Variants in FUBP3 observed in about 807,000 individuals in gnomAD.
FUBP3 encodes far upstream element-binding protein 3.
A neutral mutation model predicts 85.6 loss-of-function variants in FUBP3; 28 were observed. The ratio of observed to expected loss-of-function variants is 0.33; its 90% CI spans 0.24 to 0.45. The LOEUF (loss-of-function observed/expected upper bound fraction) is 0.45, where lower values mean the gene tolerates loss of function less well. FUBP3 is among the 20% of genes least tolerant of loss of function. The pLI is 1.00. For missense variants in FUBP3, 583 were observed against 755.1 expected, an observed-to-expected ratio of 0.77 and a Z score of 2.67; for synonymous variants, 271 against 271.4, an observed-to-expected ratio of 1.00 and a Z score of 0.01.
rs1402493007 is a variant in FUBP3, at chr9:130,616,315, T to C, written c.405-40T>C. 2 of 1,608,448 alleles carry C rather than the reference T, an allele frequency of 1.2e-6. No homozygotes were observed. Among genetic ancestry groups the C allele is most frequent in the African/African-American group, 2.7e-5 (2 of 74,802 alleles). On this transcript the variant is annotated intron_variant, in intron 6 of 18. Coordinates refer to ENST00000319725, the MANE Select transcript of FUBP3 (RefSeq NM_003934.2). The surrounding 1 kb of genome is among the most constrained non-coding windows in gnomAD (Gnocchi z 4.7). ...CTGTCTTGCACACTTAGAGCCTCCATTTAATGCTGGTTCTCTTGTGGTTCT... is the reference window on the plus strand; with the variant it reads ...CTGTCTTGCACACTTAGAGCCTCCACTTAATGCTGGTTCTCTTGTGGTTCT...
intron 16 of FUBP3, among the ~76,000 whole-genome samples, chr9:130,632,751 T>G (rs747806737): frequency 6.6e-6 from 1 of 152,212 alleles, no homozygotes; most frequent in Non-Finnish European, 1.5e-5. Context: ...AGGGAATGAC[T>G]TCTTCTGCAT....
chr9:130,620,282 G>A (rs1246011583), intron 8 of FUBP3, 72 bp from the exon 9 acceptor site: 1 of 893,918 alleles, frequency 1.1e-6, no homozygotes, highest in African/African-American at 1.7e-5. Context: ...GTTTGATCTT[G>A]AAATTTCACC....
rs893386553 is a variant in FUBP3, at chr9:130,630,883, G to T, written c.1278+95G>T. 72 of 950,400 alleles carry T rather than the reference G, an allele frequency of 7.6e-5. No homozygotes were observed. The South Asian group carries it at 1.5e-3, about 20-fold the overall frequency. 58.9% of individuals were successfully genotyped at this position (950,400 alleles called of 1,614,324 possible). A position where few individuals can be genotyped will look rare whatever the true frequency, so the allele number is the denominator to read the frequency against. On this transcript the variant is annotated intron_variant, in intron 13 of 18. Transcript: ENST00000319725. The stretch of plus-strand genomic sequence containing the variant: ...CTTTTCCCACCACCTTGTGCTGCTT[G>T]TGCCTGTGGGTTCTCACATCACACG...
At chr9:130,631,053 T>A in intron 13 of FUBP3, 1 of 888,346 alleles carries the variant, frequency 1.1e-6, no homozygotes, top group South Asian at 5.0e-5. Flanking sequence ...CCCTGCGGGC[T>A]TAGATGAGCG....
At chr9:130,633,489 C>T (rs1033117005) in intron 16 of FUBP3, among the ~76,000 whole-genome samples, 6 of 152,232 alleles carry the variant, frequency 3.9e-5, no homozygotes, top group African/African-American at 1.2e-4. Flanking sequence ...GGAAACGGCC[C>T]CCTGGCGGGT....
At chr9:130,636,222 G>A (rs1288216143) in intron 18 of FUBP3, 96 bp downstream of exon 18, 3 of 1,282,464 alleles carry the variant, frequency 2.3e-6, no homozygotes, top group African/African-American at 2.9e-5. Flanking sequence ...GAGAGCGCTG[G>A]GCTAGGAGGA....
chr9:130,633,786 G>A (rs1173981513), intron 16 of FUBP3, among the ~76,000 whole-genome samples: 1 of 152,146 alleles, frequency 6.6e-6, no homozygotes, highest in South Asian at 2.1e-4. Context: ...CCTTCCTCCC[G>A]CTGCTTGCTT....
intron 1 of FUBP3, among the ~76,000 whole-genome samples, chr9:130,589,663 A>ATG (rs1457578376): frequency 2.7e-5 from 2 of 73,566 alleles, no homozygotes; most frequent in Admixed American, 1.8e-4. Context: ...TTAAATATGT[A>ATG]TGTATGTGTG....
In FUBP3 at chr9:130,620,441, G is replaced by A; in HGVS notation, c.754G>A (p.Gly252Arg). 1 of 1,587,244 alleles carries A rather than the reference G, an allele frequency of 6.3e-7. No homozygotes were observed. Among genetic ancestry groups the A allele is most frequent in the Non-Finnish European group, 8.6e-7 (1 of 1,158,994 alleles). Residue 252 changes from glycine to arginine, a missense_variant, in exon 9 of 19, where the codon GGA becomes AGA. Physicochemically the swap from Gly to Arg is moderately radical, Grantham distance 125 (BLOSUM62 -2). This residue lies in a region of FUBP3 where 404 missense variants were observed against 516.8 expected (regional missense o/e 0.78). Coordinates refer to ENST00000319725, the MANE Select transcript of FUBP3 (RefSeq NM_003934.2). ...GVRGDFNSRM[G>R]GGSIEVSVPR... is the part of the protein sequence containing the mutation. ...ACGCGGCGATTTCAACTCTCGAATG[G>A]GAGGAGGCAGTATAGAGGTATGCTT...
At chr9:130,613,208 T>C (rs1445433582) in intron 5 of FUBP3, among the ~76,000 whole-genome samples, 181 bp downstream of exon 5, 1 of 152,232 alleles carries the variant, frequency 6.6e-6, no homozygotes, top group Non-Finnish European at 1.5e-5. Flanking sequence ...GGCCCGGAGA[T>C]AAGGCCTCCT....
intron 2 of FUBP3, among the ~76,000 whole-genome samples, chr9:130,599,359 A>ATG (rs10532542): frequency 0.11 from 16,065 of 148,726 alleles, 915 homozygotes; most frequent in East Asian, 0.22. Context: ...ATATAAGTAT[A>ATG]TGTGTGTGTG....
chr9:130,595,583 A>T lies in FUBP3; in HGVS notation c.185A>T (p.Asp62Val). 1 of 1,428,280 alleles carries T rather than the reference A, an allele frequency of 7.0e-7. No homozygotes were observed. Among genetic ancestry groups the T allele is most frequent in the Non-Finnish European group, 9.9e-7 (1 of 1,010,590 alleles). The allele number at this position is 1,428,280 out of a possible 1,614,324, so 88.5% of individuals were successfully genotyped here. A position where few individuals can be genotyped will look rare whatever the true frequency, so the allele number is the denominator to read the frequency against. Residue 62 changes from aspartate (D) to valine (V), a missense_variant, in exon 2 of 19, where the codon GAT (aspartate) becomes GTT (valine). Coordinates refer to ENST00000319725, the MANE Select transcript of FUBP3 (RefSeq NM_003934.2). ...GGAGTACAAAAACGGCCCTTGGATG[A>T]TGGAGGTAAGTTGCCAGAAATATCT... ...GYGVQKRPLD[D>V]GVGNQLGALV...
intron 9 of FUBP3, 55 bp from the exon 10 acceptor site, chr9:130,622,653 T>G: frequency 1.1e-6 from 1 of 879,080 alleles, no homozygotes; most frequent in South Asian, 1.7e-5. Context: ...AAAGTGCCCT[T>G]TAAAAAGACA....
At chr9:130,585,252 G>A (rs1830292946) in intron 1 of FUBP3, among the ~76,000 whole-genome samples, 1 of 152,238 alleles carries the variant, frequency 6.6e-6, no homozygotes, top group African/African-American at 2.4e-5. Context: ...GAGCTGAGTA[G>A]CTGCTGCGTT....
chr9:130,628,093 C>A (rs75822848), intron 12 of FUBP3, among the ~76,000 whole-genome samples: 28 of 132,668 alleles, frequency 2.1e-4, no homozygotes, highest in Admixed American at 1.7e-3. Flanking sequence ...CACGCACGCA[C>A]GCACGCACGC....
In FUBP3 at chr9:130,637,127, T is replaced by C. The variant is rs886734983; in HGVS notation, c.*105T>C. 54 of 933,768 alleles carry C rather than the reference T, an allele frequency of 5.8e-5. No homozygotes were observed. The highest frequency in any genetic ancestry group is 8.3e-5 in the Non-Finnish European group (47 of 566,884). 57.8% of individuals were successfully genotyped at this position (933,768 alleles called of 1,614,324 possible). ...CAAACCTTTTGATGAAGAACTGTTG[T>C]TTTGTTCTGTGAAACACTATATTTA... On this transcript the variant is annotated 3_prime_UTR_variant, in exon 19 of 19. Transcript: ENST00000319725.
intron 1 of FUBP3, among the ~76,000 whole-genome samples, chr9:130,583,110 A>G (rs2118995071): frequency 6.6e-6 from 1 of 152,332 alleles, no homozygotes; most frequent in East Asian, 1.9e-4. Flanking sequence ...AGTGTGACCA[A>G]GCCATTGTAG....
rs983915307 is a variant in FUBP3 at position 130,637,755 on chromosome 9, G to A, written c.*733G>A. 6.6e-6 allele frequency: 1 copy of A among 152,326 alleles called. No individual in the cohort carries two copies. Among genetic ancestry groups the A allele is most frequent in the Non-Finnish European group, 1.5e-5 (1 of 68,004 alleles). The allele number at this position is 152,326 out of a possible 1,614,324, so 9.4% of individuals were successfully genotyped here. ...TTGTGTATCTAAGACCTCCAAGCTT[G>A]TTTTTAAAACAAAACAAAAAACCTT... On this transcript the variant is annotated 3_prime_UTR_variant, in exon 19 of 19. Coordinates refer to ENST00000319725, the MANE Select transcript of FUBP3 (RefSeq NM_003934.2).
chr9:130,623,522 G>A, intron 10 of FUBP3, 89 bp from the exon 11 acceptor site: 2 of 869,326 alleles, frequency 2.3e-6, no homozygotes, highest in Non-Finnish European at 3.8e-6. Flanking sequence ...GGCACCGCGG[G>A]TGAGAATATT....
Sources: allele counts gnomAD v4.1 joint callset (sites outside exome capture counted in the v4.1 genomes callset), GRCh38; gene constraint gnomAD v4.1.1; regional missense constraint gnomAD v4.1.1; non-coding constraint Gnocchi (gnomAD v3.1); transcripts MANE v1.5; gene names NCBI Gene and HGNC (gene_info 2026-07-23, HGNC 2026-07-21).